TEX15: variants seen among roughly 807,000 people sequenced by gnomAD.
TEX15 encodes testis expressed 15, meiosis and synapsis associated, also known as testis-expressed protein 15.
TEX15 carries 171 observed loss-of-function variants against 237.3 expected under a neutral mutation model. That is an observed-to-expected ratio of 0.72 (90% CI 0.64 to 0.82). TEX15 has a LOEUF of 0.82. Ranked by LOEUF, TEX15 falls within the 40% of genes least tolerant of loss-of-function variation. TEX15 has a pLI of 0.00. For synonymous variants in TEX15, 1,338 were observed against 1,269.8 expected (o/e 1.05, Z -1.14); for missense variants, 3,750 against 3,646.5 (o/e 1.03, Z -0.73).
At chr8:30,907,176 G>GGA (rs1428950985) in intron 1 of TEX15, among the ~76,000 whole-genome samples, 1 of 152,152 alleles carries the variant, frequency 6.6e-6, no homozygotes, top group African/African-American at 2.4e-5. Flanking sequence ...ATCTTGCTGT[G>GGA]TTGCCAAGGC....
chr8:30,885,909 A>G lies in TEX15; in HGVS notation c.136+1258T>C, dbSNP rs562131341. Reference sequence around the variant, plus strand: ...TTAAATTTTCAGTTCTAAGTCTTCTATTCAGTTATTACATATTTCATTTCT... The same window carrying G: ...TTAAATTTTCAGTTCTAAGTCTTCTGTTCAGTTATTACATATTTCATTTCT... On this transcript the variant is annotated intron_variant, in intron 3 of 10. Transcript: ENST00000643185. Among the ~76,000 whole-genome samples, 11 of 152,260 alleles carry G rather than the reference A, an allele frequency of 7.2e-5. No individual in the cohort carries two copies. In the South Asian group the frequency reaches 8.3e-4, roughly 11 times the overall value.
At chr8:30,884,899 T>G (rs1808612291) in intron 3 of TEX15, among the ~76,000 whole-genome samples, 1 of 152,166 alleles carries the variant, frequency 6.6e-6, no homozygotes, top group Non-Finnish European at 1.5e-5. Flanking sequence ...TTTTCTAGTT[T>G]CCTAAGGTGT....
intron 1 of TEX15, among the ~76,000 whole-genome samples, chr8:30,911,492 T>C (rs1044475911): frequency 4.6e-5 from 7 of 152,134 alleles, no homozygotes; most frequent in East Asian, 3.9e-4. Context: ...CCAACACACA[T>C]AGTCGTCAAA....
intron 3 of TEX15, 89 bp downstream of exon 3, chr8:30,887,078 T>G (rs1302879301): frequency 8.3e-7 from 1 of 1,203,884 alleles, no homozygotes. Flanking sequence ...TAATTTTATA[T>G]AGAGTCAAAA....
Position 30,845,290 on chromosome 8 carries a change from T to A in TEX15, c.4877A>T (p.Asn1626Ile). ...NSVSLSCIKE[N>I]INSSTGNDCD... is the part of the protein sequence containing the mutation. ...ATCGTTGCCTGTACTAGAATTTATG[T>A]TTTCTTTTATGCAACTTAAAGATAC... is the stretch of plus-strand genomic sequence containing the variant. The change falls in exon 8 of 11, where the codon AAC (asparagine) becomes ATC (isoleucine). Residue 1626 changes from asparagine (N) to isoleucine (I), a missense_variant. Coordinates refer to ENST00000643185, the MANE Select transcript of TEX15 (RefSeq NM_001350162.2). The A allele has an allele frequency of 6.2e-7, 1 of 1,613,124 alleles. No individual in the cohort carries two copies. Among genetic ancestry groups the A allele is most frequent in the Non-Finnish European group, 8.5e-7 (1 of 1,179,438 alleles).
chr8:30,843,830 G>A lies in TEX15; in HGVS notation c.6337C>T (p.Leu2113Phe). 1 of 1,612,856 alleles carries A rather than the reference G, an allele frequency of 6.2e-7. No individual in the cohort carries two copies. Reference sequence around the variant, plus strand: ...TGAAATCCACGTGGTTTTCCAAGAAGCTCAGCATACAGTGTTTCATCATAC... The same window carrying A: ...TGAAATCCACGTGGTTTTCCAAGAAACTCAGCATACAGTGTTTCATCATAC... ...LWYDETLYAELLGKPRGFQQQ... is the reference protein window; with the variant it reads ...LWYDETLYAEFLGKPRGFQQQ... The change falls in exon 8 of 11, where the codon CTT becomes TTT. Residue 2113 changes from leucine (L) to phenylalanine (F), a missense_variant. Leu to Phe is a conservative substitution (Grantham distance 22). Transcript: ENST00000643185.
At chr8:30,875,643 T>TG (rs1808384438) in intron 3 of TEX15, among the ~76,000 whole-genome samples, 1 of 152,184 alleles carries the variant, frequency 6.6e-6, no homozygotes, top group African/African-American at 2.4e-5. Context: ...TAAAATCCTA[T>TG]GGAAGTGAAC....
chr8:30,854,074 C>A (rs1298491299), intron 7 of TEX15, among the ~76,000 whole-genome samples: 2 of 151,596 alleles, frequency 1.3e-5, no homozygotes, highest in African/African-American at 4.8e-5. Context: ...AAAACCTAAC[C>A]TTCCATCTTA....
intron 3 of TEX15, among the ~76,000 whole-genome samples, chr8:30,884,344 C>T (rs1186592359): frequency 1.3e-5 from 2 of 152,172 alleles, no homozygotes; most frequent in African/African-American, 4.8e-5. Flanking sequence ...TAATGCTCCT[C>T]TAAAAGCATG....
At chr8:30,863,709 A>G (rs768265885) in intron 5 of TEX15, among the ~76,000 whole-genome samples, 4 of 152,166 alleles carry the variant, frequency 2.6e-5, no homozygotes, top group Admixed American at 2.6e-4. Flanking sequence ...CTACAGATAC[A>G]GGAGAAATTA....
In TEX15 at chr8:30,847,052, G is replaced by C; in HGVS notation, c.3115C>G (p.Gln1039Glu). The C allele has an allele frequency of 6.2e-7, 1 of 1,612,514 alleles. No homozygotes were observed. Among genetic ancestry groups the C allele is most frequent in the Non-Finnish European group, 8.5e-7 (1 of 1,179,090 alleles). ...TTTATTGATTGATGAAATGATTCTT[G>C]TGATTTATTTTTATCCGTATCAATT... ...CEIDTDKNKS[Q>E]ESFHQSINEN... Residue 1039 changes from glutamine (Q) to glutamate (E), a missense_variant, in exon 8 of 11, where the codon CAA becomes GAA. Physicochemically the swap from Gln to Glu is conservative, Grantham distance 29 (BLOSUM62 2). Coordinates refer to ENST00000643185, the MANE Select transcript of TEX15 (RefSeq NM_001350162.2).
At chr8:30,898,636 T>C (rs991495381) in intron 2 of TEX15, 106 bp downstream of exon 2, 2 of 152,228 alleles carry the variant, frequency 1.3e-5, no homozygotes, top group African/African-American at 2.4e-5. Context: ...ACTCTTCATC[T>C]ATCTTCTTTA....
At position 30,846,302 on chromosome 8, in the gene TEX15, T is replaced by C; in HGVS notation, c.3865A>G (p.Thr1289Ala). 6.2e-7 allele frequency: 1 copy of C among 1,613,166 alleles called. No individual in the cohort carries two copies. Among genetic ancestry groups the C allele is most frequent in the Non-Finnish European group, 8.5e-7 (1 of 1,179,656 alleles). Residue 1289 changes from threonine (T) to alanine (A), a missense_variant, in exon 8 of 11, where the codon ACC (threonine) becomes GCC (alanine). Physicochemically the swap from Thr to Ala is moderately conservative, Grantham distance 58 (BLOSUM62 0). Coordinates refer to ENST00000643185, the MANE Select transcript of TEX15 (RefSeq NM_001350162.2). ...GATTCTACCTCCTTTTTATTTTTGG[T>C]ATCATTATAGTCAGTTTTTGATTTT... Reference protein sequence around the residue: ...FTKSKTDYNDTKNKKEVESRI... With the variant: ...FTKSKTDYNDAKNKKEVESRI...
chr8:30,869,784 G>T (rs1437087766), intron 4 of TEX15, among the ~76,000 whole-genome samples: 1 of 151,964 alleles, frequency 6.6e-6, no homozygotes, highest in Non-Finnish European at 1.5e-5. Flanking sequence ...TCATAGTACT[G>T]ACTTCTAGTG....
intron 3 of TEX15, among the ~76,000 whole-genome samples, chr8:30,877,908 C>T (rs1808433430): frequency 6.6e-6 from 1 of 152,094 alleles, no homozygotes; most frequent in Non-Finnish European, 1.5e-5. Context: ...CAGAACTGCT[C>T]TATCACCAGA....
At position 30,847,775 on chromosome 8, in the gene TEX15, T is replaced by C. The variant is rs758173091; in HGVS notation, c.2392A>G (p.Ser798Gly). Residue 798 changes from serine (S) to glycine (G), a missense_variant, in exon 8 of 11, where the codon AGC (serine) becomes GGC (glycine). Coordinates refer to ENST00000643185, the MANE Select transcript of TEX15 (RefSeq NM_001350162.2). ...ACACATATATGTTCTCTAGTTATGC[T>C]GCAATTTGAACTGTCATGAGCTGTT... ...IETAHDSSNC[S>G]ITREHICVHR... is the part of the protein sequence containing the mutation. 16 of 1,613,762 alleles carry C rather than the reference T, an allele frequency of 9.9e-6. No homozygotes were observed. The South Asian group carries it at 1.4e-4, about 14-fold the overall frequency.
intron 10 of TEX15, among the ~76,000 whole-genome samples, chr8:30,835,749 A>G (rs914534255): frequency 6.6e-6 from 1 of 152,296 alleles, no homozygotes; most frequent in Admixed American, 6.5e-5. Context: ...AATTTCATTA[A>G]AACACCTATA....
chr8:30,885,955 T>G (rs1808637468), intron 3 of TEX15, among the ~76,000 whole-genome samples: 1 of 152,242 alleles, frequency 6.6e-6, no homozygotes, highest in African/African-American at 2.4e-5. Context: ...TTTCTAGCTT[T>G]TCATTTGTTT....
chr8:30,865,785 G>A (rs1025886767), intron 5 of TEX15, among the ~76,000 whole-genome samples: 2 of 152,052 alleles, frequency 1.3e-5, no homozygotes, highest in African/African-American at 4.8e-5. Context: ...GGTACAGAAG[G>A]AATATACCTC....
Sources: gnomAD v4.1 joint callset for allele counts (sites outside exome capture counted in the v4.1 genomes callset) on GRCh38, gnomAD v4.1.1 for gene constraint, MANE v1.5 for transcripts, NCBI Gene and HGNC (gene_info 2026-07-23, HGNC 2026-07-21) for gene names.